TRAPPC9: variants seen among roughly 807,000 people sequenced by gnomAD.
TRAPPC9 encodes trafficking protein particle complex subunit 9.
A neutral mutation model predicts 124.0 loss-of-function variants in TRAPPC9; 83 were observed. That is an observed-to-expected ratio of 0.67 (90% confidence interval 0.56 to 0.80). TRAPPC9 has a LOEUF of 0.80. TRAPPC9 is among the 30% of genes least tolerant of loss of function. The pLI, the probability that TRAPPC9 is intolerant of heterozygous loss-of-function variation, is 0.00. For missense variants in TRAPPC9, 1,302 were observed against 1,508.3 expected, an observed-to-expected ratio of 0.86 and a Z score of 2.27; for synonymous variants, 638 against 617.5, an observed-to-expected ratio of 1.03 and a Z score of -0.49.
chr8:140,368,125 G>A (rs2068175252), intron 8 of TRAPPC9, among the ~76,000 whole-genome samples: 1 of 152,160 alleles, frequency 6.6e-6, no homozygotes, highest in Non-Finnish European at 1.5e-5. Context: ...TGTGCTGGCT[G>A]TGCTGATGAC....
At chr8:140,418,039 C>A (rs539990064) in intron 5 of TRAPPC9, among the ~76,000 whole-genome samples, 1 of 152,166 alleles carries the variant, frequency 6.6e-6, no homozygotes, top group Non-Finnish European at 1.5e-5. Context: ...GGGAGGGGAA[C>A]ATCACACACC....
At chr8:140,427,282 G>A (rs1235139760) in intron 4 of TRAPPC9, among the ~76,000 whole-genome samples, 1 of 151,902 alleles carries the variant, frequency 6.6e-6, no homozygotes, top group East Asian at 1.9e-4. Flanking sequence ...GCAAATGTAT[G>A]TCAGCAGCCT....
At chr8:140,244,350 G>A (rs1167286129) in intron 16 of TRAPPC9, among the ~76,000 whole-genome samples, 1 of 152,124 alleles carries the variant, frequency 6.6e-6, no homozygotes, top group East Asian at 1.9e-4. Context: ...TGATACTAGG[G>A]ATCACTATTT....
At chr8:140,402,846 T>C (rs1028194363) in intron 6 of TRAPPC9, among the ~76,000 whole-genome samples, 1 of 151,538 alleles carries the variant, frequency 6.6e-6, no homozygotes, top group African/African-American at 2.4e-5. Context: ...AGAATTCAAA[T>C]CAAAAAGAAA....
intron 21 of TRAPPC9, among the ~76,000 whole-genome samples, chr8:139,785,982 G>A (rs371791389): frequency 9.9e-5 from 15 of 152,084 alleles, no homozygotes; most frequent in East Asian, 7.8e-4. Context: ...CTGAGGCAGC[G>A]GATCACCTGA....
intron 18 of TRAPPC9, among the ~76,000 whole-genome samples, chr8:140,004,235 G>A (rs945684070): frequency 6.6e-6 from 1 of 152,162 alleles, no homozygotes; most frequent in Non-Finnish European, 1.5e-5. Flanking sequence ...GAAGTGTTGC[G>A]GGTAATGGAA....
intron 9 of TRAPPC9, among the ~76,000 whole-genome samples, chr8:140,336,513 T>C (rs1394639729): frequency 2.0e-5 from 3 of 152,128 alleles, no homozygotes; most frequent in Non-Finnish European, 4.4e-5. Context: ...AGAAACACAG[T>C]AAAATGAGGC....
At chr8:140,324,247 A>C (rs143655761) in intron 9 of TRAPPC9, among the ~76,000 whole-genome samples, 1 of 152,354 alleles carries the variant, frequency 6.6e-6, no homozygotes, top group Non-Finnish European at 1.5e-5. Context: ...AAGCATAATA[A>C]ACCTGGTGTG....
chr8:140,279,659 G>A (rs1350596249), intron 14 of TRAPPC9, among the ~76,000 whole-genome samples: 4 of 152,110 alleles, frequency 2.6e-5, no homozygotes, highest in African/African-American at 7.2e-5. Context: ...TTGTTGAGAG[G>A]TAGCAGGTAC....
chr8:140,261,298 C>T (rs1039298330), intron 15 of TRAPPC9, among the ~76,000 whole-genome samples: 4 of 152,168 alleles, frequency 2.6e-5, no homozygotes, highest in Admixed American at 1.3e-4. Flanking sequence ...TCATGGCAGG[C>T]GCTATGCTAG....
At chr8:140,422,471 T>C (rs2070252339) in intron 5 of TRAPPC9, among the ~76,000 whole-genome samples, 1 of 152,146 alleles carries the variant, frequency 6.6e-6, no homozygotes, top group South Asian at 2.1e-4. Flanking sequence ...AAACTGTTAC[T>C]AGCCAGGTGC....
At chr8:140,421,691 G>A (rs796846003) in intron 5 of TRAPPC9, among the ~76,000 whole-genome samples, 11 of 152,250 alleles carry the variant, frequency 7.2e-5, no homozygotes, top group African/African-American at 2.2e-4. Flanking sequence ...GACAACGACC[G>A]TATTCTGGAA....
Position 140,386,066 on chromosome 8 carries a change from C to A in TRAPPC9, c.1134+11554G>T, listed in dbSNP as rs532769108. Among the ~76,000 whole-genome samples the A allele has an allele frequency of 8.9e-4, 135 of 152,304 alleles. 1 individual carries two copies. The highest frequency in any genetic ancestry group is 3.4e-3 in the Middle Eastern group (1 of 294). ...ATATAAACAGAACCAAAGACAAAAA[C>A]TACCTGATTATCTCAATAGATGCCG... On this transcript the variant is annotated intron_variant, in intron 7 of 22. Transcript: ENST00000438773.
chr8:139,832,617 G>A lies in TRAPPC9; in HGVS notation c.3055+53262C>T, dbSNP rs532902637. Among the ~76,000 whole-genome samples the A allele has an allele frequency of 2.6e-5, 4 of 152,332 alleles. No individual in the cohort carries two copies. The South Asian group carries it at 6.2e-4, about 24-fold the overall frequency. ...CCAAGGGCAGGTGTCATATTCTGGG[G>A]AAAGGTAAATAAAGGTCCGCCAGAG... On this transcript the variant is annotated intron_variant, in intron 21 of 22. Transcript: ENST00000438773.
intron 21 of TRAPPC9, chr8:139,806,318 G>C (rs749839466): frequency 6.6e-6 from 1 of 152,314 alleles, no homozygotes; most frequent in African/African-American, 2.4e-5. Flanking sequence ...CCTCCTGTGC[G>C]CAGCAGTGGT....
chr8:139,778,652 A>C (rs554080624), intron 21 of TRAPPC9, among the ~76,000 whole-genome samples: 1 of 152,380 alleles, frequency 6.6e-6, no homozygotes, highest in African/African-American at 2.4e-5. Flanking sequence ...AAAAGGATGG[A>C]GTTAACAGAT....
intron 21 of TRAPPC9, among the ~76,000 whole-genome samples, chr8:139,737,134 C>T (rs545938062): frequency 4.6e-5 from 7 of 152,204 alleles, no homozygotes; most frequent in African/African-American, 7.2e-5. Context: ...GTCTGTGGCC[C>T]GCGCAGGGGC....
At chr8:139,763,731 G>T (rs1483759983) in intron 21 of TRAPPC9, among the ~76,000 whole-genome samples, 1 of 152,254 alleles carries the variant, frequency 6.6e-6, no homozygotes, top group Non-Finnish European at 1.5e-5. Context: ...GATAAAGGGA[G>T]CTGGAGGCTG....
chr8:139,802,390 T>C (rs1232868968), intron 21 of TRAPPC9, among the ~76,000 whole-genome samples: 1 of 152,076 alleles, frequency 6.6e-6, no homozygotes, highest in Non-Finnish European at 1.5e-5. Flanking sequence ...GGTCCCTCAA[T>C]GATCTGAGAT....
Sources: gnomAD v4.1 joint callset for allele counts (sites outside exome capture counted in the v4.1 genomes callset) on GRCh38, gnomAD v4.1.1 for gene constraint, MANE v1.5 for transcripts, NCBI Gene and HGNC (gene_info 2026-07-23, HGNC 2026-07-21) for gene names.